The following RPP40 variants were observed in gnomAD, a reference collection of about 807,000 sequenced individuals.
RPP40 encodes ribonuclease P protein subunit p40.
Under a neutral mutation model 42.5 loss-of-function variants are expected in RPP40, and 30 were observed. That is an observed-to-expected ratio of 0.71 (90% confidence interval 0.53 to 0.96). RPP40 has a LOEUF of 0.96. Ranked by LOEUF, RPP40 falls within the 40% of genes least tolerant of loss-of-function variation. The pLI is 0.00. For synonymous variants in RPP40, 173 were observed against 164.0 expected, an observed-to-expected ratio of 1.05 and a Z score of -0.42; for missense variants, 426 against 433.5, an observed-to-expected ratio of 0.98 and a Z score of 0.15.
At chr6:5,002,026 G>A in intron 2 of RPP40, 75 bp downstream of exon 2, 2 of 1,333,982 alleles carry the variant, frequency 1.5e-6, no homozygotes, top group African/African-American at 1.5e-5. Context: ...CAAAACAACA[G>A]CCCTAGCATC....
At chr6:4,996,474 G>T in intron 5 of RPP40, 54 bp from the exon 6 acceptor site, 1 of 1,557,926 alleles carries the variant, frequency 6.4e-7, no homozygotes, top group Non-Finnish European at 8.8e-7. Context: ...TCGTAAGCAA[G>T]TTTAGTGAAT....
chr6:4,992,838 T>A (rs1388369773), downstream of RPP40, among the ~76,000 whole-genome samples: 2 of 152,246 alleles, frequency 1.3e-5, no homozygotes, highest in Non-Finnish European at 2.9e-5. Context: ...TTCCATTTTA[T>A]CTTTTGATAG....
At chr6:5,001,049 G>A in intron 2 of RPP40, 1 of 458,884 alleles carries the variant, frequency 2.2e-6, no homozygotes, top group South Asian at 1.5e-5. Context: ...ATTTGTGCAA[G>A]TTTACTATCA....
chr6:4,995,927 A>AT, intron 7 of RPP40, 24 bp downstream of exon 7: 1 of 1,610,312 alleles, frequency 6.2e-7, no homozygotes, highest in Non-Finnish European at 8.5e-7. Flanking sequence ...CTGATGAGCG[A>AT]TATAAAAGGT....
At chr6:5,003,005 T>C (rs1759611063) in intron 1 of RPP40, among the ~76,000 whole-genome samples, 1 of 152,186 alleles carries the variant, frequency 6.6e-6, no homozygotes, top group Non-Finnish European at 1.5e-5. Flanking sequence ...TAAGGTTAGT[T>C]TCTTGAAGTC....
In RPP40 at chr6:4,995,357, G is replaced by C. The variant is rs75895012; in HGVS notation, c.894-81C>G. ...ATTTTAAAAAATTTATTCAGGATAAGTAGTATTTCTGATATTCTAATAAAG... is the reference window on the plus strand; with the variant it reads ...ATTTTAAAAAATTTATTCAGGATAACTAGTATTTCTGATATTCTAATAAAG... On this transcript the variant is annotated intron_variant, in intron 7 of 7. Coordinates refer to ENST00000380051, the MANE Select transcript of RPP40 (RefSeq NM_006638.4). The C allele has an allele frequency of 8.4e-4, 813 of 967,934 alleles. 6 individuals are homozygous for C. The African/African-American group carries it at 0.012, about 15-fold the overall frequency. The allele number at this position is 967,934 out of a possible 1,614,324, so 60.0% of individuals were successfully genotyped here. A position where few individuals can be genotyped will look rare whatever the true frequency, so the allele number is the denominator to read the frequency against.
intron 1 of RPP40, 124 bp downstream of exon 1, chr6:5,003,756 C>G (rs1759661905): frequency 7.9e-7 from 1 of 1,269,892 alleles, no homozygotes; most frequent in Non-Finnish European, 1.1e-6. Flanking sequence ...GCAAGCCGGG[C>G]GAGGGCCCCG....
Position 5,003,994 on chromosome 6 carries a change from C to T in RPP40, c.9G>A (p.Thr3=). The change falls in exon 1 of 8, where the codon ACG becomes ACA. Residue 3 remains threonine, a synonymous_variant. Coordinates refer to ENST00000380051, the MANE Select transcript of RPP40 (RefSeq NM_006638.4). ...GCGGCGCCTCCCGAAGCCGGCGCAGCGTGGCCATGCTCTCCTGGGTTCCTG... is the reference window on the plus strand; with the variant it reads ...GCGGCGCCTCCCGAAGCCGGCGCAGTGTGGCCATGCTCTCCTGGGTTCCTG... The part of the protein sequence containing the change: MA[T]LRRLREAPRH... 4.4e-6 allele frequency: 7 copies of T among 1,608,306 alleles called. No individual in the cohort carries two copies. The highest frequency in any genetic ancestry group is 5.9e-6 in the Non-Finnish European group (7 of 1,178,132).
intron 1 of RPP40, among the ~76,000 whole-genome samples, chr6:5,002,903 G>C (rs1356278803): frequency 1.3e-5 from 2 of 152,182 alleles, no homozygotes; most frequent in Admixed American, 1.3e-4. Context: ...TGACTGATCA[G>C]GTCACCACTT....
chr6:4,998,433 G>A (rs1759446745), intron 5 of RPP40, among the ~76,000 whole-genome samples: 1 of 152,162 alleles, frequency 6.6e-6, no homozygotes, highest in African/African-American at 2.4e-5. Flanking sequence ...AGAGGAAAGG[G>A]GAGAAATAGA....
chr6:5,000,996 A>G, intron 2 of RPP40: 1 of 461,468 alleles, frequency 2.2e-6, no homozygotes, highest in Non-Finnish European at 4.3e-6. Context: ...CCAAGCTTGC[A>G]GAAGACCAAG....
chr6:4,995,827 ATT>A (rs1220083591), intron 7 of RPP40, 122 bp downstream of exon 7: 9 of 864,104 alleles, frequency 1.0e-5, no homozygotes, highest in Non-Finnish European at 1.6e-5. Context: ...GCAATAGGCG[ATT>A]TGAGTTCCTT....
intron 5 of RPP40, among the ~76,000 whole-genome samples, chr6:4,996,938 C>T (rs1311134630): frequency 6.6e-6 from 1 of 152,212 alleles, no homozygotes; most frequent in African/African-American, 2.4e-5. Flanking sequence ...CGGCAAAGGG[C>T]AGGCTTGCTT....
intron 5 of RPP40, 28 bp downstream of exon 5, chr6:4,998,686 CTG>C: frequency 7.0e-7 from 1 of 1,433,326 alleles, no homozygotes; most frequent in Non-Finnish European, 9.5e-7. Context: ...TTCAAAATCA[CTG>C]TATCATTACA....
intron 2 of RPP40, 59 bp downstream of exon 2, chr6:5,002,042 G>A (rs749064656): frequency 5.4e-6 from 8 of 1,472,836 alleles, no homozygotes; most frequent in Non-Finnish European, 7.5e-6. Flanking sequence ...GCATCGTGAT[G>A]TGGTCTCCCT....
the RPP40 span, among the ~76,000 whole-genome samples, chr6:4,989,085 G>T: frequency 0.3 from 45,305 of 148,724 alleles, 7,331 homozygotes; most frequent in African/African-American, 0.46. Context: ...ATGATTTTAA[G>T]TTGCCTTTTT....
intron 1 of RPP40, 58 bp downstream of exon 1, chr6:5,003,822 C>T (rs1759666276): frequency 1.3e-6 from 2 of 1,569,524 alleles, no homozygotes; most frequent in East Asian, 4.6e-5. Flanking sequence ...TCTCCCCAAA[C>T]CTCTCTCGCA....
intron 7 of RPP40, 106 bp from the exon 8 acceptor site, chr6:4,995,382 G>A (rs1271321328): frequency 1.3e-6 from 1 of 795,346 alleles, no homozygotes; most frequent in African/African-American, 1.8e-5. Flanking sequence ...TTCTAATAAA[G>A]CTTAGATCTT....
Position 4,996,252 on chromosome 6 carries a change from C to A in RPP40, c.728G>T (p.Trp243Leu), listed in dbSNP as rs749156135. Reference protein sequence around the residue: ...VSCRALELFDWLGAVFSNVDL... With the variant: ...VSCRALELFDLLGAVFSNVDL... ...GACATTACTGAAGACGGCGCCGAGCCAGTCGAAGAGCTCCAGAGCCCGGCA... is the reference window on the plus strand; with the variant it reads ...GACATTACTGAAGACGGCGCCGAGCAAGTCGAAGAGCTCCAGAGCCCGGCA... The change falls in exon 6 of 8, where the codon TGG becomes TTG. Residue 243 changes from tryptophan (W) to leucine (L), a missense_variant. By Grantham distance (61) the Trp-to-Leu change is moderately conservative. Coordinates refer to ENST00000380051, the MANE Select transcript of RPP40 (RefSeq NM_006638.4). 6.2e-7 allele frequency: 1 copy of A among 1,614,014 alleles called. No individual in the cohort carries two copies. The highest frequency in any genetic ancestry group is 8.5e-7 in the Non-Finnish European group (1 of 1,179,994).
Sources: gnomAD v4.1 joint callset for allele counts (sites outside exome capture counted in the v4.1 genomes callset) on GRCh38, gnomAD v4.1.1 for gene constraint, MANE v1.5 for transcripts, NCBI Gene and HGNC (gene_info 2026-07-23, HGNC 2026-07-21) for gene names.